Variants in ATRNL1 observed in about 807,000 individuals in gnomAD.
The protein encoded by ATRNL1 is attractin-like protein 1.
In ATRNL1, 95 loss-of-function variants were observed where a neutral mutation model predicts 182.7. The ratio of observed to expected loss-of-function variants is 0.52; its 90% CI spans 0.44 to 0.62. The LOEUF (loss-of-function observed/expected upper bound fraction) is 0.62, where lower values mean the gene tolerates loss of function less well. Among genes scored for constraint, ATRNL1 ranks in the 20% least tolerant of loss-of-function variants. The pLI, the probability that ATRNL1 is intolerant of heterozygous loss-of-function variation, is 0.00. For synonymous variants in ATRNL1, 576 were observed against 568.3 expected (o/e 1.01, Z -0.19); for missense variants, 1,471 against 1,679.5 (o/e 0.88, Z 2.17).
intron 28 of ATRNL1, among the ~76,000 whole-genome samples, chr10:115,939,952 T>C (rs954647883): frequency 1.3e-5 from 2 of 152,212 alleles, no homozygotes; most frequent in Non-Finnish European, 2.9e-5. Flanking sequence ...ATACCTTTTT[T>C]AAAACCCAGA....
intron 5 of ATRNL1, among the ~76,000 whole-genome samples, chr10:115,153,045 C>T (rs1554881095): frequency 6.6e-6 from 1 of 152,078 alleles, no homozygotes; most frequent in Non-Finnish European, 1.5e-5. Flanking sequence ...GTTGAACTAG[C>T]CTTGCATCTC....
intron 8 of ATRNL1, among the ~76,000 whole-genome samples, chr10:115,190,264 T>A (rs1402067079): frequency 6.6e-6 from 1 of 152,172 alleles, no homozygotes; most frequent in African/African-American, 2.4e-5. Context: ...ACGTTTTTTT[T>A]ACTTACTAAA....
At chr10:115,771,481 A>C (rs910114694) in intron 27 of ATRNL1, among the ~76,000 whole-genome samples, 12 of 152,034 alleles carry the variant, frequency 7.9e-5, no homozygotes, top group Middle Eastern at 3.2e-3. Flanking sequence ...CCGCCCGCCT[A>C]GGCCTCCCAA....
At chr10:115,651,399 A>G (rs1336380679) in intron 26 of ATRNL1, among the ~76,000 whole-genome samples, 2 of 152,174 alleles carry the variant, frequency 1.3e-5, no homozygotes, top group African/African-American at 4.8e-5. Flanking sequence ...AAGAAATACT[A>G]ATATCAAAAA....
Position 115,376,286 on chromosome 10 carries a change from C to CTTTA in ATRNL1, c.3176-18357_3176-18354dup, listed in dbSNP as rs139258930. The stretch of plus-strand genomic sequence containing the variant: ...ACTGCTGAAGATTCTCTGCCTTTGA[C>CTTTA]TTTATTTATTTATTTATTTTTGAGA... On this transcript the variant is annotated intron_variant, in intron 19 of 28. Coordinates refer to ENST00000355044, the MANE Select transcript of ATRNL1 (RefSeq NM_207303.4). Among the ~76,000 whole-genome samples, 597 of 151,748 alleles carry CTTTA rather than the reference C, an allele frequency of 3.9e-3. 4 individuals carry two copies. The highest frequency in any genetic ancestry group is 0.014 in the African/African-American group (575 of 41,370).
At chr10:115,785,893 C>G (rs1949385020) in intron 27 of ATRNL1, among the ~76,000 whole-genome samples, 1 of 152,312 alleles carries the variant, frequency 6.6e-6, no homozygotes, top group East Asian at 1.9e-4. Flanking sequence ...ACCTTCCACA[C>G]AACACAATTG....
chr10:115,318,448 G>A (rs1418199231), intron 18 of ATRNL1, among the ~76,000 whole-genome samples: 1 of 152,144 alleles, frequency 6.6e-6, no homozygotes, highest in Admixed American at 6.6e-5. Flanking sequence ...GTTTGGAATA[G>A]TTTCAGCAGG....
chr10:115,279,210 A>T (rs184539263), intron 13 of ATRNL1, among the ~76,000 whole-genome samples: 412 of 151,618 alleles, frequency 2.7e-3, no homozygotes, highest in African/African-American at 9.3e-3. Flanking sequence ...TCAAAAAAAA[A>T]AAAAATAATA....
At chr10:115,716,220 A>G (rs542375727) in intron 26 of ATRNL1, among the ~76,000 whole-genome samples, 50 of 152,258 alleles carry the variant, frequency 3.3e-4, no homozygotes, top group South Asian at 2.9e-3. Flanking sequence ...TATTTAGCAG[A>G]TGTCTTCACA....
At chr10:115,346,266 C>T (rs782159344) in intron 19 of ATRNL1, among the ~76,000 whole-genome samples, 10 of 152,230 alleles carry the variant, frequency 6.6e-5, no homozygotes, top group South Asian at 4.1e-4. Flanking sequence ...TACCCACTCC[C>T]CCACCTCCTT....
At chr10:115,879,844 G>C (rs1350554608) in intron 28 of ATRNL1, among the ~76,000 whole-genome samples, 2 of 152,150 alleles carry the variant, frequency 1.3e-5, no homozygotes, top group Non-Finnish European at 2.9e-5. Flanking sequence ...GAAATCAGGG[G>C]AGCCTCGGAG....
At chr10:115,184,785 CTA>C (rs1847879352) in intron 8 of ATRNL1, among the ~76,000 whole-genome samples, 1 of 151,774 alleles carries the variant, frequency 6.6e-6, no homozygotes, top group Admixed American at 6.6e-5. Context: ...ATGAACCCAA[CTA>C]TGTTTCAAAT....
chr10:115,272,683 G>C (rs1554913555), intron 13 of ATRNL1, among the ~76,000 whole-genome samples: 1 of 152,166 alleles, frequency 6.6e-6, no homozygotes, highest in East Asian at 1.9e-4. Flanking sequence ...TGCTGACTCA[G>C]AGCTTATATG....
At chr10:115,485,451 ATGCATTAC>A (rs1848972415) in intron 24 of ATRNL1, among the ~76,000 whole-genome samples, 17 of 152,064 alleles carry the variant, frequency 1.1e-4, no homozygotes, top group Non-Finnish European at 2.5e-4. Context: ...TAATTAAAAT[ATGCATTAC>A]CTCACATAGT....
chr10:115,825,128 AG>A (rs1555091602), intron 27 of ATRNL1, among the ~76,000 whole-genome samples: 2 of 152,176 alleles, frequency 1.3e-5, no homozygotes, highest in African/African-American at 4.8e-5. Flanking sequence ...TTCTCAACAC[AG>A]GAACTAACAC....
intron 9 of ATRNL1, among the ~76,000 whole-genome samples, chr10:115,232,702 TG>T (rs1850007850): frequency 6.6e-6 from 1 of 152,116 alleles, no homozygotes; most frequent in Non-Finnish European, 1.5e-5. Context: ...TGTGTGTGTG[TG>T]TATGTGTGTG....
At chr10:115,512,273 T>G (rs1378315576) in intron 24 of ATRNL1, among the ~76,000 whole-genome samples, 5 of 151,922 alleles carry the variant, frequency 3.3e-5, no homozygotes, top group Non-Finnish European at 7.4e-5. Context: ...GTTGCCGTTA[T>G]TGTCTCACTG....
intron 20 of ATRNL1, among the ~76,000 whole-genome samples, chr10:115,424,357 G>A (rs1845785285): frequency 1.3e-5 from 2 of 152,296 alleles, no homozygotes; most frequent in South Asian, 4.1e-4. Flanking sequence ...ACAGCTGTTT[G>A]TGGACAACAG....
intron 26 of ATRNL1, among the ~76,000 whole-genome samples, chr10:115,669,209 A>G (rs557432974): frequency 1.3e-5 from 2 of 152,146 alleles, no homozygotes; most frequent in Admixed American, 6.6e-5. Flanking sequence ...TTAACAATGT[A>G]TATGTCATAT....
Sources: allele counts gnomAD v4.1 joint callset (sites outside exome capture counted in the v4.1 genomes callset), GRCh38; gene constraint gnomAD v4.1.1; transcripts MANE v1.5; gene names NCBI Gene and HGNC (gene_info 2026-07-23, HGNC 2026-07-21).